The following RALGAPA2 variants were observed in gnomAD, a reference collection of about 807,000 sequenced individuals.
The protein encoded by RALGAPA2 is ral GTPase-activating protein subunit alpha-2.
RALGAPA2 carries 139 observed loss-of-function variants against 230.4 expected under a neutral mutation model. The observed-to-expected ratio is 0.60, with a 90% CI of 0.53 to 0.69. The LOEUF is 0.69. Among genes scored for constraint, RALGAPA2 ranks in the 30% least tolerant of loss-of-function variants. The probability of loss-of-function intolerance (pLI) is 0.00; values close to 1 mark genes in which losing one functional copy is unlikely to be tolerated. For synonymous variants in RALGAPA2, 847 were observed against 837.8 expected (o/e 1.01, Z -0.19); for missense variants, 2,163 against 2,276.0 (o/e 0.95, Z 1.01).
chr20:20,595,218 C>A (rs2146141013), intron 16 of RALGAPA2, among the ~76,000 whole-genome samples: 2 of 152,166 alleles, frequency 1.3e-5, no homozygotes, highest in East Asian at 3.9e-4. Flanking sequence ...CTTACTCAGT[C>A]TTACATTTAG....
intron 27 of RALGAPA2, 99 bp from the exon 28 acceptor site, chr20:20,526,461 A>G (rs1035691717): frequency 4.4e-5 from 34 of 764,286 alleles, no homozygotes; most frequent in Non-Finnish European, 6.6e-5. Flanking sequence ...CTTATAGATT[A>G]CATTTATCTG....
intron 37 of RALGAPA2, among the ~76,000 whole-genome samples, chr20:20,419,650 T>C (rs939950693): frequency 1.5e-4 from 23 of 152,210 alleles, no homozygotes; most frequent in Admixed American, 1.2e-3. Flanking sequence ...TTCTACAAAA[T>C]TACTGTTGTT....
intron 5 of RALGAPA2, among the ~76,000 whole-genome samples, chr20:20,643,158 A>G (rs1196679733): frequency 1.3e-5 from 2 of 152,198 alleles, no homozygotes; most frequent in African/African-American, 4.8e-5. Context: ...CAAGCATGTG[A>G]GCTCTGAAGC....
chr20:20,433,428 G>A (rs976583174), intron 37 of RALGAPA2, among the ~76,000 whole-genome samples: 1 of 152,172 alleles, frequency 6.6e-6, no homozygotes, highest in African/African-American at 2.4e-5. Flanking sequence ...AGGGGCTGAG[G>A]GGATTTGGAG....
At chr20:20,529,055 C>A (rs2063302021) in intron 27 of RALGAPA2, among the ~76,000 whole-genome samples, 1 of 152,194 alleles carries the variant, frequency 6.6e-6, no homozygotes, top group Admixed American at 6.5e-5. Context: ...GGTAAAACAA[C>A]CCAGTTGCCA....
At chr20:20,618,335 C>T (rs2066214365) in intron 12 of RALGAPA2, among the ~76,000 whole-genome samples, 1 of 152,210 alleles carries the variant, frequency 6.6e-6, no homozygotes, top group African/African-American at 2.4e-5. Flanking sequence ...GCAGGTCATA[C>T]TTATGAGCAG....
At chr20:20,685,813 G>A (rs570446807) in intron 1 of RALGAPA2, among the ~76,000 whole-genome samples, 4 of 152,108 alleles carry the variant, frequency 2.6e-5, no homozygotes, top group Admixed American at 2.0e-4. Flanking sequence ...GCAAGGCCAC[G>A]CTCCAGAGTC....
At chr20:20,442,184 T>G (rs531209811) in intron 37 of RALGAPA2, among the ~76,000 whole-genome samples, 1 of 152,380 alleles carries the variant, frequency 6.6e-6, no homozygotes, top group South Asian at 2.1e-4. Context: ...CTCTGTGCTT[T>G]CGCTTCTTTC....
intron 23 of RALGAPA2, among the ~76,000 whole-genome samples, chr20:20,558,325 GACTT>G: frequency 6.6e-6 from 1 of 152,228 alleles, no homozygotes; most frequent in East Asian, 1.9e-4. Flanking sequence ...CTATTTTGAG[GACTT>G]ACTTAGTTTT....
chr20:20,626,562 T>A (rs931747138), intron 10 of RALGAPA2, among the ~76,000 whole-genome samples: 2 of 152,186 alleles, frequency 1.3e-5, no homozygotes, highest in East Asian at 1.9e-4. Flanking sequence ...TTGCCAGGGG[T>A]AGGATGCCAA....
chr20:20,664,388 G>A (rs772356198), intron 3 of RALGAPA2, among the ~76,000 whole-genome samples: 2 of 151,946 alleles, frequency 1.3e-5, no homozygotes, highest in Admixed American at 6.6e-5. Flanking sequence ...ACACTGCACC[G>A]GACTCCTCAT....
chr20:20,505,696 T>C (rs763844315), intron 33 of RALGAPA2, among the ~76,000 whole-genome samples, 162 bp from the exon 34 acceptor site: 20 of 152,156 alleles, frequency 1.3e-4, no homozygotes, highest in Non-Finnish European at 2.2e-4. Flanking sequence ...ATAGTCTCAT[T>C]TATTCTTCAA....
chr20:20,501,213 C>T (rs1244230078), intron 35 of RALGAPA2, among the ~76,000 whole-genome samples: 2 of 152,214 alleles, frequency 1.3e-5, no homozygotes, highest in East Asian at 3.8e-4. Flanking sequence ...TGAAACCAAA[C>T]ATTAACTTTT....
chr20:20,477,639 G>A lies in RALGAPA2; in HGVS notation c.5368-4683C>T, dbSNP rs560855063. Among the ~76,000 whole-genome samples, 4 of 152,234 alleles carry A rather than the reference G, an allele frequency of 2.6e-5. No individual in the cohort carries two copies. The East Asian group carries it at 7.7e-4, about 29-fold the overall frequency. On this transcript the variant is annotated intron_variant, in intron 36 of 39. Coordinates refer to ENST00000202677, the MANE Select transcript of RALGAPA2 (RefSeq NM_020343.4). ...CTCACTCTGTTGCTTAGGCTAGAGTGCAGTGGCTCAATCTTGGCTCACAGC... is the reference window on the plus strand; with the variant it reads ...CTCACTCTGTTGCTTAGGCTAGAGTACAGTGGCTCAATCTTGGCTCACAGC...
At chr20:20,659,602 G>A (rs1424334270) in intron 3 of RALGAPA2, 1 of 261,608 alleles carries the variant, frequency 3.8e-6, no homozygotes, top group East Asian at 8.8e-5. Context: ...CATAATTGGA[G>A]TTAATATGAC....
chr20:20,539,549 A>C (rs769103080), intron 24 of RALGAPA2, among the ~76,000 whole-genome samples: 48 of 152,224 alleles, frequency 3.2e-4, no homozygotes, highest in Non-Finnish European at 5.0e-4. Context: ...TGATACACAA[A>C]TACATTATAA....
At chr20:20,644,183 A>C (rs1029884214) in intron 4 of RALGAPA2, among the ~76,000 whole-genome samples, 1 of 152,186 alleles carries the variant, frequency 6.6e-6, no homozygotes, top group African/African-American at 2.4e-5. Context: ...ACCCCACCTA[A>C]ATATCTTATG....
rs959996254 is a variant in RALGAPA2, at chr20:20,391,989, T to C, written c.*1300A>G. On this transcript the variant is annotated 3_prime_UTR_variant, in exon 40 of 40. Transcript: ENST00000202677. ...AAGCTTCTTGGATTTACTTCCCAAGTGAAGTGCGGGGTGGAGCAAACCTCT... is the reference window on the plus strand; with the variant it reads ...AAGCTTCTTGGATTTACTTCCCAAGCGAAGTGCGGGGTGGAGCAAACCTCT... The C allele has an allele frequency of 1.3e-5, 2 of 152,462 alleles. No individual in the cohort carries two copies. Among genetic ancestry groups the C allele is most frequent in the Non-Finnish European group, 2.9e-5 (2 of 68,218 alleles). 9.4% of individuals were successfully genotyped at this position (152,462 alleles called of 1,614,324 possible).
Position 20,552,178 on chromosome 20 carries a change from A to G in RALGAPA2, c.3157-5346T>C, listed in dbSNP as rs75106032. 3.5e-4 allele frequency among the ~76,000 whole-genome samples: 54 copies of G among 152,306 alleles called. No individual in the cohort carries two copies. The East Asian group carries it at 9.1e-3, about 26-fold the overall frequency. ...AACTGTACTTTCACACCAATTACATATATATTATTCACTTAATATTTGCTC... is the reference window on the plus strand; with the variant it reads ...AACTGTACTTTCACACCAATTACATGTATATTATTCACTTAATATTTGCTC... On this transcript the variant is annotated intron_variant, in intron 23 of 39. Coordinates refer to ENST00000202677, the MANE Select transcript of RALGAPA2 (RefSeq NM_020343.4).
Sources: gnomAD v4.1 joint callset for allele counts (sites outside exome capture counted in the v4.1 genomes callset) on GRCh38, gnomAD v4.1.1 for gene constraint, MANE v1.5 for transcripts, NCBI Gene and HGNC (gene_info 2026-07-23, HGNC 2026-07-21) for gene names.